The following CNGB3 variants were observed in gnomAD, a reference collection of about 807,000 sequenced individuals.
CNGB3 encodes the protein cyclic nucleotide gated channel subunit beta 3.
Under a neutral mutation model 92.8 loss-of-function variants are expected in CNGB3, and 86 were observed. The ratio of observed to expected loss-of-function variants is 0.93; its 90% CI spans 0.78 to 1.11. CNGB3 has a LOEUF of 1.11. Ranked by LOEUF, CNGB3 falls within the 50% of genes least tolerant of loss-of-function variation. CNGB3 has a pLI of 0.00. For missense variants in CNGB3, 1,026 were observed against 956.8 expected, an observed-to-expected ratio of 1.07 and a Z score of -0.95; for synonymous variants, 333 against 332.7, an observed-to-expected ratio of 1.00 and a Z score of -0.01.
At chr8:86,723,102 G>T (rs1379401607) in intron 3 of CNGB3, among the ~76,000 whole-genome samples, 1 of 152,038 alleles carries the variant, frequency 6.6e-6, no homozygotes, top group East Asian at 1.9e-4. Context: ...CTTCCAAACA[G>T]AGCAGAAACT....
At chr8:86,636,969 G>A (rs1247799140) in intron 10 of CNGB3, among the ~76,000 whole-genome samples, 1 of 152,092 alleles carries the variant, frequency 6.6e-6, no homozygotes, top group Non-Finnish European at 1.5e-5. Flanking sequence ...TATTATATAT[G>A]TGCATATTTG....
intron 3 of CNGB3, among the ~76,000 whole-genome samples, chr8:86,692,857 G>C (rs996821428): frequency 6.6e-6 from 1 of 151,840 alleles, no homozygotes; most frequent in Admixed American, 6.6e-5. Flanking sequence ...GTTCCATTTT[G>C]GTGTATTTTG....
intron 3 of CNGB3, among the ~76,000 whole-genome samples, chr8:86,719,454 T>C (rs1007357602): frequency 6.6e-6 from 1 of 152,074 alleles, no homozygotes; most frequent in Non-Finnish European, 1.5e-5. Flanking sequence ...TACGTAGGAA[T>C]ATACCTAATG....
intron 17 of CNGB3, among the ~76,000 whole-genome samples, chr8:86,577,991 C>G (rs1214018707): frequency 6.6e-6 from 1 of 152,042 alleles, no homozygotes; most frequent in East Asian, 1.9e-4. Flanking sequence ...CTCACTACAA[C>G]CTTTGCCTCC....
intron 14 of CNGB3, 39 bp downstream of exon 14, chr8:86,611,549 A>G: frequency 6.7e-7 from 1 of 1,494,860 alleles, no homozygotes; most frequent in South Asian, 1.1e-5. Flanking sequence ...CCTCAAATGC[A>G]TTTATTAGTT....
At chr8:86,695,264 C>T (rs1163870929) in intron 3 of CNGB3, among the ~76,000 whole-genome samples, 1 of 152,144 alleles carries the variant, frequency 6.6e-6, no homozygotes, top group Non-Finnish European at 1.5e-5. Flanking sequence ...CCAGCTTCGG[C>T]TCGGCATCAG....
At position 86,628,984 on chromosome 8, in the gene CNGB3, G is replaced by A. The variant is rs1373881426; in HGVS notation, c.1415C>T (p.Pro472Leu). 6.2e-7 allele frequency: 1 copy of A among 1,613,870 alleles called. No individual in the cohort carries two copies. Among genetic ancestry groups the A allele is most frequent in the African/African-American group, 1.3e-5 (1 of 74,904 alleles). ...TIAYMNNYSI[P>L]KLVQKRVRTW... ...CCGAACTCGCTTTTGCACAAGTTTAGGAATGGAGTAATTGTTCATGTAGGC... is the reference window on the plus strand; with the variant it reads ...CCGAACTCGCTTTTGCACAAGTTTAAGAATGGAGTAATTGTTCATGTAGGC... The change falls in exon 12 of 18, where the codon CCT becomes CTT. Residue 472 changes from proline to leucine, a missense_variant. By Grantham distance (98) the Pro-to-Leu change is moderately conservative. Coordinates refer to ENST00000320005, the MANE Select transcript of CNGB3 (RefSeq NM_019098.5).
chr8:86,729,344 T>A (rs186795783), intron 2 of CNGB3, among the ~76,000 whole-genome samples: 1 of 152,336 alleles, frequency 6.6e-6, no homozygotes, highest in East Asian at 1.9e-4. Context: ...CTGCAATAGT[T>A]CTTTTTGTCC....
intron 7 of CNGB3, 49 bp downstream of exon 7, chr8:86,653,962 CA>C (rs771037054): frequency 2.4e-6 from 3 of 1,241,502 alleles, no homozygotes; most frequent in Admixed American, 3.4e-5. Flanking sequence ...GATTTAAAGT[CA>C]AAATGGTAAT....
chr8:86,723,824 A>G (rs907362202), intron 3 of CNGB3, among the ~76,000 whole-genome samples: 1 of 152,180 alleles, frequency 6.6e-6, no homozygotes, highest in African/African-American at 2.4e-5. Context: ...TTTGCTATCT[A>G]TGTTGTAGCC....
intron 2 of CNGB3, among the ~76,000 whole-genome samples, chr8:86,738,616 G>A (rs1249742483): frequency 2.6e-5 from 4 of 152,124 alleles, no homozygotes; most frequent in Non-Finnish European, 5.9e-5. Flanking sequence ...AAGGCGGGAG[G>A]ATCACGAGGT....
At chr8:86,633,824 C>T (rs1284363830) in intron 10 of CNGB3, among the ~76,000 whole-genome samples, 4 of 152,166 alleles carry the variant, frequency 2.6e-5, no homozygotes, top group Non-Finnish European at 5.9e-5. Context: ...GAAAACAGAA[C>T]AGATGAATAT....
At chr8:86,603,286 A>G (rs1424045810) in intron 15 of CNGB3, among the ~76,000 whole-genome samples, 1 of 152,194 alleles carries the variant, frequency 6.6e-6, no homozygotes, top group African/African-American at 2.4e-5. Flanking sequence ...ATATTTTTAT[A>G]TAGTTTATTC....
chr8:86,652,770 G>C (rs1324630543), intron 7 of CNGB3, among the ~76,000 whole-genome samples: 1 of 151,830 alleles, frequency 6.6e-6, no homozygotes, highest in Non-Finnish European at 1.5e-5. Flanking sequence ...GCCTTCTTCT[G>C]GAATGCCTCC....
At chr8:86,669,346 T>C (rs1307297192) in intron 4 of CNGB3, among the ~76,000 whole-genome samples, 4 of 152,178 alleles carry the variant, frequency 2.6e-5, no homozygotes, top group African/African-American at 9.7e-5. Context: ...GTAACATTTA[T>C]GAAAATATAC....
At chr8:86,584,667 A>G (rs1821858563) in intron 15 of CNGB3, among the ~76,000 whole-genome samples, 1 of 152,046 alleles carries the variant, frequency 6.6e-6, no homozygotes, top group African/African-American at 2.4e-5. Context: ...CCAGCCCCAC[A>G]TAGAGTTTCT....
At chr8:86,581,230 A>G (rs1163501331) in intron 15 of CNGB3, among the ~76,000 whole-genome samples, 1 of 152,178 alleles carries the variant, frequency 6.6e-6, no homozygotes, top group African/African-American at 2.4e-5. Flanking sequence ...AATCCATAAA[A>G]CTACAGCCAT....
intron 6 of CNGB3, chr8:86,662,064 C>G (rs77400721): frequency 3.7e-6 from 1 of 273,366 alleles, no homozygotes; most frequent in East Asian, 7.2e-5. Flanking sequence ...GCTGCTGTCC[C>G]CGTGCCGCCG....
chr8:86,740,436 C>T (rs1053888281), intron 1 of CNGB3, among the ~76,000 whole-genome samples: 1 of 152,192 alleles, frequency 6.6e-6, no homozygotes, highest in African/African-American at 2.4e-5. Context: ...AAGAAAGTGA[C>T]TCTTGACTTT....
Sources: allele counts gnomAD v4.1 joint callset (sites outside exome capture counted in the v4.1 genomes callset), GRCh38; gene constraint gnomAD v4.1.1; transcripts MANE v1.5; gene names NCBI Gene and HGNC (gene_info 2026-07-23, HGNC 2026-07-21).